Variants in CDH1 observed in about 807,000 individuals in gnomAD.
The protein encoded by CDH1 is cadherin 1.
In CDH1, 35 loss-of-function variants were observed where a neutral mutation model predicts 84.5. That is an observed-to-expected ratio of 0.41 (90% confidence interval 0.32 to 0.55). The LOEUF is 0.55. CDH1 is among the 20% of genes least tolerant of loss of function. The probability of loss-of-function intolerance (pLI) is 0.19; values close to 1 mark genes in which losing one functional copy is unlikely to be tolerated. For synonymous variants in CDH1, 417 were observed against 439.0 expected, an observed-to-expected ratio of 0.95 and a Z score of 0.63; for missense variants, 994 against 1,126.6, an observed-to-expected ratio of 0.88 and a Z score of 1.68.
rs765062939 is a variant in CDH1 at position 68,813,507 on chromosome 16, A to T, written c.1320+12A>T. 3.7e-6 allele frequency: 6 copies of T among 1,613,700 alleles called. No homozygotes were observed. The highest frequency in any genetic ancestry group is 5.1e-6 in the Non-Finnish European group (6 of 1,179,570). The stretch of plus-strand genomic sequence containing the variant: ...TGAAAACAGCAAAGGTTTGTATGGT[A>T]CCTGGCAAGATGCAGAAACTGGCAT... On this transcript the variant is annotated intron_variant, in intron 9 of 15. Coordinates refer to ENST00000261769, the MANE Select transcript of CDH1 (RefSeq NM_004360.5).
At chr16:68,793,184 T>G (rs1460972894) in intron 2 of CDH1, among the ~76,000 whole-genome samples, 1 of 152,164 alleles carries the variant, frequency 6.6e-6, no homozygotes, top group Non-Finnish European at 1.5e-5. Flanking sequence ...AAAAATGTTG[T>G]GGTTGACGTT....
rs2152144118 is a variant in CDH1 at position 68,833,430 on chromosome 16, C to T, written c.2580C>T (p.Asp860=). Residue 860 remains aspartate, a synonymous_variant, in exon 16 of 16, where the codon GAC becomes GAT. Transcript: ENST00000261769. The part of the protein sequence containing the change: ...SSESDKDQDY[D]YLNEWGNRFK... ...AGTCAGACAAAGACCAGGACTATGA[C>T]TACTTGAACGAATGGGGCAATCGCT... 1 of 1,614,176 alleles carries T rather than the reference C, an allele frequency of 6.2e-7. No homozygotes were observed. The highest frequency in any genetic ancestry group is 1.7e-4 in the Middle Eastern group (1 of 6,060).
chr16:68,769,893 T>G (rs1959507357), intron 2 of CDH1, among the ~76,000 whole-genome samples: 2 of 151,728 alleles, frequency 1.3e-5, no homozygotes, highest in Admixed American at 1.3e-4. Flanking sequence ...TTAGCCAGGA[T>G]GGTCTCAATC....
chr16:68,745,791 A>G (rs1012243716), intron 2 of CDH1, among the ~76,000 whole-genome samples: 3 of 151,790 alleles, frequency 2.0e-5, no homozygotes, highest in Non-Finnish European at 4.4e-5. Flanking sequence ...CCAATCTCCA[A>G]GGGTGGAGAT....
rs2152142185 is a variant in CDH1 at position 68,829,637 on chromosome 16, A to C, written c.2296-17A>C. ...CTTTCCTACTCTTCATTGTACTTCA[A>C]CCTTTTTTCTCCAAAGGACTTTGAC... On this transcript the variant is annotated splice_polypyrimidine_tract_variant and intron_variant, in intron 14 of 15. Transcript: ENST00000261769. 1 of 1,613,612 alleles carries C rather than the reference A, an allele frequency of 6.2e-7. No homozygotes were observed.
At position 68,750,797 on chromosome 16, in the gene CDH1, C is replaced by G. The variant is rs142426262; in HGVS notation, c.163+12386C>G. Among the ~76,000 whole-genome samples, 1,436 of 151,468 alleles carry G rather than the reference C, an allele frequency of 9.5e-3. 28 individuals carry two copies. Among genetic ancestry groups the G allele is most frequent in the African/African-American group, 0.033 (1,353 of 41,256 alleles). On this transcript the variant is annotated intron_variant, in intron 2 of 15. Transcript: ENST00000261769. ...TTGGCTCACTTCAGCCTCGACCTCCCGGGCTCAAGCAATCCTCCCACCTCA... is the reference window on the plus strand; with the variant it reads ...TTGGCTCACTTCAGCCTCGACCTCCGGGGCTCAAGCAATCCTCCCACCTCA...
At chr16:68,822,294 C>T in intron 12 of CDH1, 69 bp downstream of exon 12, 4 of 1,033,834 alleles carry the variant, frequency 3.9e-6, no homozygotes, top group Non-Finnish European at 6.1e-6. Context: ...CAGATCCCCA[C>T]CTTTCAATTT....
intron 14 of CDH1, among the ~76,000 whole-genome samples, chr16:68,829,051 G>A (rs565534911): frequency 1.1e-4 from 16 of 152,240 alleles, no homozygotes; most frequent in Non-Finnish European, 7.4e-5. Context: ...GAATCTCAGC[G>A]GCACACAACA....
chr16:68,748,761 T>A (rs542282530), intron 2 of CDH1, among the ~76,000 whole-genome samples: 1 of 152,250 alleles, frequency 6.6e-6, no homozygotes, highest in African/African-American at 2.4e-5. Context: ...CGGTTCCCAC[T>A]GTCCCAGTGG....
chr16:68,806,768 G>A (rs1397295007), intron 3 of CDH1, among the ~76,000 whole-genome samples: 1 of 152,206 alleles, frequency 6.6e-6, no homozygotes, highest in African/African-American at 2.4e-5. Context: ...TCAAAGCCAG[G>A]CAGTCTAGCT....
intron 2 of CDH1, among the ~76,000 whole-genome samples, chr16:68,796,828 A>G (rs568597000): frequency 6.6e-6 from 1 of 152,214 alleles, no homozygotes; most frequent in South Asian, 2.1e-4. Flanking sequence ...TAAGGAAAAT[A>G]TGTTGTTGTT....
intron 2 of CDH1, among the ~76,000 whole-genome samples, chr16:68,779,580 G>T (rs1238348994): frequency 6.6e-6 from 1 of 152,232 alleles, no homozygotes; most frequent in Non-Finnish European, 1.5e-5. Context: ...GGTTGGCCGG[G>T]CACGATGGCT....
chr16:68,819,681 C>A (rs1359063001), intron 11 of CDH1, among the ~76,000 whole-genome samples: 2 of 152,266 alleles, frequency 1.3e-5, no homozygotes, highest in East Asian at 3.9e-4. Flanking sequence ...TGTTCATCAT[C>A]TACCCCCTCC....
chr16:68,828,213 C>G lies in CDH1; in HGVS notation c.2204C>G (p.Ala735Gly), dbSNP rs587782464. Residue 735 changes from alanine (A) to glycine (G), a missense_variant, in exon 14 of 16, where the codon GCG becomes GGG. Physicochemically the swap from Ala to Gly is moderately conservative, Grantham distance 60 (BLOSUM62 0). This residue lies in a region of CDH1 where 769 missense variants were observed against 881.8 expected (regional missense o/e 0.87). Coordinates refer to ENST00000261769, the MANE Select transcript of CDH1 (RefSeq NM_004360.5). ...LLLLLFLRRRAVVKEPLLPPE... is the reference protein window; with the variant it reads ...LLLLLFLRRRGVVKEPLLPPE... ...CTCTTGCTGTTTCTTCGGAGGAGAG[C>G]GGTGGTCAAAGAGCCCTTACTGCCC... 1.2e-6 allele frequency: 2 copies of G among 1,613,918 alleles called. No individual in the cohort carries two copies. The highest frequency in any genetic ancestry group is 8.5e-7 in the Non-Finnish European group (1 of 1,179,926).
chr16:68,821,078 A>G (rs188126890), intron 11 of CDH1, among the ~76,000 whole-genome samples: 4 of 152,244 alleles, frequency 2.6e-5, no homozygotes, highest in Non-Finnish European at 5.9e-5. Flanking sequence ...GTTGTTTTGT[A>G]TCCGTATCGT....
intron 9 of CDH1, among the ~76,000 whole-genome samples, chr16:68,814,916 T>G (rs1309420029): frequency 8.0e-6 from 1 of 125,108 alleles, no homozygotes; most frequent in East Asian, 2.1e-4. Context: ...TGAGACTCCA[T>G]CTCTTAAAAA....
chr16:68,796,922 G>A (rs1408920171), intron 2 of CDH1, among the ~76,000 whole-genome samples: 4 of 152,124 alleles, frequency 2.6e-5, no homozygotes, highest in Non-Finnish European at 4.4e-5. Flanking sequence ...TGGATCGCTT[G>A]AGGCCAGGAG....
chr16:68,828,845 A>G (rs1174163413), intron 14 of CDH1, among the ~76,000 whole-genome samples: 1 of 152,158 alleles, frequency 6.6e-6, no homozygotes, highest in Non-Finnish European at 1.5e-5. Context: ...TATTATAGAA[A>G]GGGATCCATG....
At chr16:68,781,733 C>G (rs1452246380) in intron 2 of CDH1, among the ~76,000 whole-genome samples, 1 of 152,126 alleles carries the variant, frequency 6.6e-6, no homozygotes, top group African/African-American at 2.4e-5. Flanking sequence ...CTTAGCCAAA[C>G]TGCTGGGATT....
Sources: allele counts gnomAD v4.1 joint callset (sites outside exome capture counted in the v4.1 genomes callset), GRCh38; gene constraint gnomAD v4.1.1; regional missense constraint gnomAD v4.1.1; transcripts MANE v1.5; gene names NCBI Gene and HGNC (gene_info 2026-07-23, HGNC 2026-07-21).